The following ZFHX3 variants were observed in gnomAD, a reference collection of about 807,000 sequenced individuals.
ZFHX3 encodes the protein zinc finger homeobox 3.
ZFHX3 carries 42 observed loss-of-function variants against 279.1 expected under a neutral mutation model. That is an observed-to-expected ratio of 0.15 (90% CI 0.12 to 0.19). The LOEUF (loss-of-function observed/expected upper bound fraction) is 0.19, where lower values mean the gene tolerates loss of function less well. Among genes scored for constraint, ZFHX3 ranks in the 10% least tolerant of loss-of-function variants. The probability of loss-of-function intolerance (pLI) is 1.00; values close to 1 mark genes in which losing one functional copy is unlikely to be tolerated. For synonymous variants in ZFHX3, 2,293 were observed against 1,957.8 expected (o/e 1.17, Z -4.52); for missense variants, 4,981 against 4,754.0 (o/e 1.05, Z -1.40).
chr16:73,267,700 G>A (rs1371318283), intron 4 of ZFHX3, among the ~76,000 whole-genome samples: 1 of 152,170 alleles, frequency 6.6e-6, no homozygotes, highest in Non-Finnish European at 1.5e-5. Flanking sequence ...GGGTAGCCTT[G>A]AGAGGTGACT....
chr16:73,410,725 G>A (rs2017449094), intron 3 of ZFHX3, among the ~76,000 whole-genome samples: 3 of 152,240 alleles, frequency 2.0e-5, no homozygotes, highest in Admixed American at 2.0e-4. Flanking sequence ...GACCCAACAA[G>A]AGAGGCTGCA....
At chr16:73,806,129 C>T (rs1422490415) in intron 1 of ZFHX3, among the ~76,000 whole-genome samples, 1 of 152,214 alleles carries the variant, frequency 6.6e-6, no homozygotes, top group Non-Finnish European at 1.5e-5. Flanking sequence ...CTTGTAAGAA[C>T]TCACTATCAC....
chr16:73,313,411 G>A (rs1285340130), intron 4 of ZFHX3, among the ~76,000 whole-genome samples: 12 of 152,178 alleles, frequency 7.9e-5, no homozygotes, highest in South Asian at 2.1e-4. Flanking sequence ...AGCTGTAAAC[G>A]CTCGTATAGT....
intron 4 of ZFHX3, among the ~76,000 whole-genome samples, chr16:72,887,834 G>C (rs1187885115): frequency 2.0e-5 from 3 of 151,982 alleles, no homozygotes; most frequent in Non-Finnish European, 2.9e-5. Context: ...GTGTATGTGA[G>C]CGTGGATGGA....
intron 2 of ZFHX3, among the ~76,000 whole-genome samples, chr16:73,457,274 AAG>A (rs1302737054): frequency 1.3e-5 from 2 of 152,146 alleles, no homozygotes; most frequent in East Asian, 1.9e-4. Flanking sequence ...GCCCCCATGA[AAG>A]AGAAAATGCT....
intron 2 of ZFHX3, among the ~76,000 whole-genome samples, chr16:73,650,952 C>T (rs2052664639): frequency 6.6e-6 from 1 of 152,050 alleles, no homozygotes; most frequent in Non-Finnish European, 1.5e-5. Context: ...CCAAAACAGA[C>T]CTATACACAT....
intron 4 of ZFHX3, among the ~76,000 whole-genome samples, chr16:73,297,205 A>C (rs1051407038): frequency 5.3e-5 from 8 of 152,010 alleles, no homozygotes; most frequent in African/African-American, 1.9e-4. Flanking sequence ...CCATTTTTTA[A>C]GATATGGAAA....
intron 1 of ZFHX3, among the ~76,000 whole-genome samples, chr16:73,681,332 G>A (rs1489220984): frequency 6.6e-6 from 1 of 152,194 alleles, no homozygotes; most frequent in Non-Finnish European, 1.5e-5. Flanking sequence ...ATCGTCCAAA[G>A]CGAAGGCAGA....
At chr16:73,403,757 G>A (rs1337982603) in intron 3 of ZFHX3, among the ~76,000 whole-genome samples, 1 of 152,204 alleles carries the variant, frequency 6.6e-6, no homozygotes, top group Non-Finnish European at 1.5e-5. Flanking sequence ...GAAAGGGACA[G>A]TGAGCAGTGT....
chr16:73,832,649 G>A (rs1289088658), intron 1 of ZFHX3, among the ~76,000 whole-genome samples: 1 of 152,084 alleles, frequency 6.6e-6, no homozygotes, highest in Non-Finnish European at 1.5e-5. Flanking sequence ...CTGGGCTCAA[G>A]CAATCCTCCC....
chr16:72,847,459 T>G (rs952844418), intron 4 of ZFHX3, among the ~76,000 whole-genome samples: 2 of 152,054 alleles, frequency 1.3e-5, no homozygotes, highest in Non-Finnish European at 2.9e-5. Context: ...AGCCATCTCT[T>G]GGTACCCTGG....
At chr16:73,184,787 C>T (rs1241632535) in intron 5 of ZFHX3, among the ~76,000 whole-genome samples, 3 of 152,244 alleles carry the variant, frequency 2.0e-5, no homozygotes, top group East Asian at 1.9e-4. Context: ...AAATGTCAAA[C>T]GTAAACCTGA....
chr16:73,467,104 G>A (rs999884705), intron 2 of ZFHX3, among the ~76,000 whole-genome samples: 37 of 152,172 alleles, frequency 2.4e-4, no homozygotes, highest in Admixed American at 2.6e-4. Flanking sequence ...TTGTTATAAA[G>A]ATTCTGGCTA....
chr16:72,810,675 A>G (rs1432882681), intron 7 of ZFHX3, among the ~76,000 whole-genome samples: 1 of 152,176 alleles, frequency 6.6e-6, no homozygotes, highest in African/African-American at 2.4e-5. Context: ...TCAAATGCAA[A>G]ACCCACATTC....
At chr16:73,341,504 A>G (rs2016033897) in intron 3 of ZFHX3, among the ~76,000 whole-genome samples, 2 of 152,228 alleles carry the variant, frequency 1.3e-5, no homozygotes, top group African/African-American at 4.8e-5. Context: ...ACATTAAAAC[A>G]GTTTGATGGT....
At chr16:73,655,817 C>T (rs1202152104) in intron 2 of ZFHX3, among the ~76,000 whole-genome samples, 7 of 152,164 alleles carry the variant, frequency 4.6e-5, no homozygotes, top group Admixed American at 4.6e-4. Flanking sequence ...AATAGTCATG[C>T]TGAAGATGTC....
intron 1 of ZFHX3, among the ~76,000 whole-genome samples, chr16:73,796,086 T>C (rs935492483): frequency 1.3e-5 from 2 of 152,230 alleles, no homozygotes; most frequent in East Asian, 1.9e-4. Context: ...AAATGTGTTA[T>C]ATAATGTCAT....
At chr16:73,147,691 CAAAAAAAAA>C (rs56079754) in intron 5 of ZFHX3, among the ~76,000 whole-genome samples, 1 of 40,886 alleles carries the variant, frequency 2.4e-5, no homozygotes, top group African/African-American at 1.1e-4. Context: ...GACTCCGTCT[CAAAAAAAAA>C]AAAAAAAAAA....
chr16:72,934,523 G>A (rs915659294), intron 3 of ZFHX3, among the ~76,000 whole-genome samples: 10 of 152,208 alleles, frequency 6.6e-5, no homozygotes. Flanking sequence ...GTAAGTACAA[G>A]AATGAATCTG....
Sources: allele counts gnomAD v4.1 joint callset (sites outside exome capture counted in the v4.1 genomes callset), GRCh38; gene constraint gnomAD v4.1.1; transcripts MANE v1.5; gene names NCBI Gene and HGNC (gene_info 2026-07-23, HGNC 2026-07-21).